The following CD38 variants were observed in gnomAD, a reference collection of about 807,000 sequenced individuals.
CD38 encodes CD38 molecule.
A neutral mutation model predicts 36.3 loss-of-function variants in CD38; 31 were observed. The observed-to-expected ratio is 0.85, with a 90% CI of 0.64 to 1.15. The LOEUF is 1.15. Among genes scored for constraint, CD38 ranks in the 50% most tolerant of loss-of-function variants. The pLI is 0.00. For missense variants in CD38, 380 were observed against 371.9 expected (o/e 1.02, Z -0.18); for synonymous variants, 131 against 135.2 (o/e 0.97, Z 0.22).
At chr4:15,835,427 G>C (rs1024614462) in intron 4 of CD38, among the ~76,000 whole-genome samples, 2 of 134,510 alleles carry the variant, frequency 1.5e-5, no homozygotes, top group Non-Finnish European at 3.1e-5. Flanking sequence ...ACCCAGGCTG[G>C]AGTGCAATGG....
rs141375391 is a variant in CD38, at chr4:15,788,548, G to A, written c.233+9901G>A. Among the ~76,000 whole-genome samples the A allele has an allele frequency of 1.4e-4, 21 of 152,260 alleles. 1 individual carries two copies. In the East Asian group the frequency reaches 4.0e-3, roughly 29 times the overall value. On this transcript the variant is annotated intron_variant, in intron 1 of 7. Transcript: ENST00000226279. ...AGAGTCAAGGTCCTGGGGCTGCTTA[G>A]CTTGGATGAATCTGATGGGAGGTGG...
chr4:15,789,328 C>A (rs1051670500), intron 1 of CD38, among the ~76,000 whole-genome samples: 2 of 152,048 alleles, frequency 1.3e-5, no homozygotes, highest in African/African-American at 4.8e-5. Context: ...CATAGTATGG[C>A]AGATGGTGGA....
At chr4:15,810,116 T>G (rs139190321) in intron 1 of CD38, among the ~76,000 whole-genome samples, 392 of 152,326 alleles carry the variant, frequency 2.6e-3, no homozygotes, top group African/African-American at 8.9e-3. Context: ...CTGTTTCAAC[T>G]CTAACGTTCT....
At chr4:15,800,504 T>G (rs181789197) in intron 1 of CD38, among the ~76,000 whole-genome samples, 78 of 152,322 alleles carry the variant, frequency 5.1e-4, no homozygotes, top group Admixed American at 1.9e-3. Flanking sequence ...ATCTAAAAAT[T>G]TATAGTGTTA....
At chr4:15,789,178 T>A (rs1577634365) in intron 1 of CD38, among the ~76,000 whole-genome samples, 1 of 152,232 alleles carries the variant, frequency 6.6e-6, no homozygotes, top group South Asian at 2.1e-4. Context: ...ATCTATTCAA[T>A]AAATATGTAT....
chr4:15,783,711 C>T (rs1168287311), intron 1 of CD38, among the ~76,000 whole-genome samples: 1 of 152,224 alleles, frequency 6.6e-6, no homozygotes, highest in Non-Finnish European at 1.5e-5. Context: ...CTAATGATCA[C>T]TTCTGTGCCC....
chr4:15,838,131 A>C lies in CD38; in HGVS notation c.625A>C (p.Asn209His), dbSNP rs772898980. The change falls in exon 5 of 8, where the codon AAT (asparagine) becomes CAT (histidine). Residue 209 changes from asparagine to histidine, a missense_variant. Asn to His is a moderately conservative substitution (Grantham distance 68). Transcript: ENST00000226279. ...AACDVVHVML[N>H]GSRSKIFDKN... ...CTGTGATGTGGTCCATGTGATGCTCAATGGATCCCGCAGTAAAATCTTTGA... is the reference window on the plus strand; with the variant it reads ...CTGTGATGTGGTCCATGTGATGCTCCATGGATCCCGCAGTAAAATCTTTGA... The C allele has an allele frequency of 1.2e-6, 2 of 1,613,770 alleles. No individual in the cohort carries two copies. The highest frequency in any genetic ancestry group is 8.5e-7 in the Non-Finnish European group (1 of 1,179,870).
chr4:15,790,316 G>A (rs1722938575), intron 1 of CD38, among the ~76,000 whole-genome samples: 1 of 151,534 alleles, frequency 6.6e-6, no homozygotes, highest in African/African-American at 2.4e-5. Flanking sequence ...CCGAGTGCCT[G>A]CGCACGCCGC....
At chr4:15,810,194 G>A (rs546437289) in intron 1 of CD38, among the ~76,000 whole-genome samples, 1 of 152,226 alleles carries the variant, frequency 6.6e-6, no homozygotes, top group Admixed American at 6.5e-5. Context: ...GAATACTGAG[G>A]TAATGTTTCT....
At chr4:15,848,499 C>A (rs926336976) in intron 7 of CD38, 40 bp from the exon 8 acceptor site, 2 of 1,513,376 alleles carry the variant, frequency 1.3e-6, no homozygotes, top group Non-Finnish European at 1.8e-6. Context: ...CAGATGTATC[C>A]TACGGTCTCT....
intron 1 of CD38, among the ~76,000 whole-genome samples, chr4:15,799,962 T>A (rs2148918218): frequency 6.6e-6 from 1 of 152,286 alleles, no homozygotes; most frequent in East Asian, 1.9e-4. Flanking sequence ...TGGGCGTTAA[T>A]AAACACATTA....
chr4:15,789,589 A>C (rs993208070), intron 1 of CD38, among the ~76,000 whole-genome samples: 1 of 152,152 alleles, frequency 6.6e-6, no homozygotes, highest in African/African-American at 2.4e-5. Flanking sequence ...TAATCCCAGA[A>C]GTGGCAGGAT....
chr4:15,782,194 T>C (rs1490525872), intron 1 of CD38, among the ~76,000 whole-genome samples: 2 of 152,206 alleles, frequency 1.3e-5, no homozygotes, highest in African/African-American at 2.4e-5. Context: ...GCAAGCCCAC[T>C]CAAAGCTTCA....
chr4:15,781,740 A>G (rs907143161), intron 1 of CD38, among the ~76,000 whole-genome samples: 10 of 152,232 alleles, frequency 6.6e-5, no homozygotes, highest in African/African-American at 2.4e-4. Flanking sequence ...ATATCTGGAT[A>G]CCATGCCTGG....
chr4:15,821,620 T>C (rs1426457966), intron 2 of CD38, among the ~76,000 whole-genome samples: 1 of 146,686 alleles, frequency 6.8e-6, no homozygotes, highest in Non-Finnish European at 1.5e-5. Context: ...CTCCCAAGAC[T>C]GAACCAGGAA....
intron 7 of CD38, among the ~76,000 whole-genome samples, chr4:15,848,213 G>C (rs1175350757): frequency 6.6e-6 from 1 of 152,144 alleles, no homozygotes; most frequent in Non-Finnish European, 1.5e-5. Context: ...TGGTCCCCTT[G>C]CTGAGGGTCT....
chr4:15,785,507 T>C lies in CD38; in HGVS notation c.233+6860T>C, dbSNP rs566583009. Among the ~76,000 whole-genome samples, 4 of 151,844 alleles carry C rather than the reference T, an allele frequency of 2.6e-5. No individual in the cohort carries two copies. In the East Asian group the frequency reaches 7.8e-4, roughly 30 times the overall value. On this transcript the variant is annotated intron_variant, in intron 1 of 7. Coordinates refer to ENST00000226279, the MANE Select transcript of CD38 (RefSeq NM_001775.4). ...GGTGTCATAATAGCTCTGCAAGCAGTGGTGGTGTTCAGCCTGGAGAACGTT... is the reference window on the plus strand; with the variant it reads ...GGTGTCATAATAGCTCTGCAAGCAGCGGTGGTGTTCAGCCTGGAGAACGTT...
At chr4:15,840,410 G>C (rs905324709) in intron 6 of CD38, 42 bp from the exon 7 acceptor site, 15 of 1,320,814 alleles carry the variant, frequency 1.1e-5, no homozygotes, top group Non-Finnish European at 1.5e-5. Flanking sequence ...AAAAATGTTT[G>C]TGAGATCTTG....
chr4:15,791,145 CGGCCAGCCGCCCCG>C (rs1722974659), intron 1 of CD38, among the ~76,000 whole-genome samples: 5 of 109,744 alleles, frequency 4.6e-5, no homozygotes, highest in African/African-American at 2.3e-4. Flanking sequence ...CCCCTCTGCC[CGGCCAGCCGCCCCG>C]TCCGGGAGGG....
Sources: allele counts gnomAD v4.1 joint callset (sites outside exome capture counted in the v4.1 genomes callset), GRCh38; gene constraint gnomAD v4.1.1; transcripts MANE v1.5; gene names NCBI Gene and HGNC (gene_info 2026-07-23, HGNC 2026-07-21).